Variants in VGLL4 observed in about 807,000 individuals in gnomAD.
VGLL4 encodes the protein transcription cofactor vestigial-like protein 4.
Under a neutral mutation model 21.0 loss-of-function variants are expected in VGLL4, and 7 were observed. The observed-to-expected ratio is 0.33, with a 90% CI of 0.19 to 0.63. The LOEUF (loss-of-function observed/expected upper bound fraction) is 0.63, where lower values mean the gene tolerates loss of function less well. VGLL4 is among the 20% of genes least tolerant of loss of function. The probability of loss-of-function intolerance (pLI) is 0.78; values close to 1 mark genes in which losing one functional copy is unlikely to be tolerated. For missense variants in VGLL4, 394 were observed against 425.7 expected, an observed-to-expected ratio of 0.93 and a Z score of 0.66; for synonymous variants, 222 against 173.2, an observed-to-expected ratio of 1.28 and a Z score of -2.21.
chr3:11,631,582 T>C (rs1211774622), intron 1 of VGLL4, among the ~76,000 whole-genome samples: 3 of 152,220 alleles, frequency 2.0e-5, no homozygotes, highest in Non-Finnish European at 4.4e-5. Context: ...TCCTCCTTTA[T>C]GCTCTAAACT....
At chr3:11,694,999 A>C (rs985468609) in intron 2 of VGLL4, among the ~76,000 whole-genome samples, 1 of 152,162 alleles carries the variant, frequency 6.6e-6, no homozygotes. Context: ...TATATATTCA[A>C]GTAACATAAT....
At chr3:11,566,470 C>G (rs1013472891) in intron 2 of VGLL4, among the ~76,000 whole-genome samples, 8 of 152,206 alleles carry the variant, frequency 5.3e-5, no homozygotes, top group Admixed American at 4.6e-4. Flanking sequence ...TAAGGCAAAT[C>G]CAACCACATC....
intron 2 of VGLL4, among the ~76,000 whole-genome samples, chr3:11,588,480 T>G (rs1345956169): frequency 6.6e-6 from 1 of 152,190 alleles, no homozygotes; most frequent in Non-Finnish European, 1.5e-5. Context: ...AGATGGGCCT[T>G]GGCAGTGTCA....
chr3:11,671,386 C>A (rs758142021), intron 2 of VGLL4: 1 of 935,516 alleles, frequency 1.1e-6, no homozygotes, highest in Non-Finnish European at 1.7e-6. Flanking sequence ...AACAAGTTCC[C>A]AGGTGACGCT....
rs112127399 is a variant in VGLL4 at position 11,655,318 on chromosome 3, G to A, written c.64+47653C>T. 2.1e-3 allele frequency among the ~76,000 whole-genome samples: 324 copies of A among 152,248 alleles called. 1 individual carries two copies. The highest frequency in any genetic ancestry group is 7.5e-3 in the African/African-American group (312 of 41,544). ...TGGAGATTCTGAACTGAACTGAGGAGGGCACCTGGCTGCTTTTCATACCCA... is the reference window on the plus strand; with the variant it reads ...TGGAGATTCTGAACTGAACTGAGGAAGGCACCTGGCTGCTTTTCATACCCA... On this transcript the variant is annotated intron_variant, in intron 2 of 5. Transcript: ENST00000273038.
At chr3:11,639,280 G>A (rs963245265) in intron 1 of VGLL4, among the ~76,000 whole-genome samples, 2 of 152,240 alleles carry the variant, frequency 1.3e-5, no homozygotes, top group Non-Finnish European at 2.9e-5. Context: ...GACTGGCTCT[G>A]GAGCTGGCAT....
intron 2 of VGLL4, among the ~76,000 whole-genome samples, chr3:11,567,486 G>A (rs2073591579): frequency 6.6e-6 from 1 of 152,178 alleles, no homozygotes; most frequent in Admixed American, 6.5e-5. Context: ...AGAATGTTCT[G>A]GCAGAGTCTA....
At position 11,652,507 on chromosome 3, in the gene VGLL4, G is replaced by GC. The variant is rs35695191; in HGVS notation, c.64+50463dup. Among the ~76,000 whole-genome samples the GC allele has an allele frequency of 3.4e-3, 516 of 152,160 alleles. 2 individuals are homozygous for GC. The highest frequency in any genetic ancestry group is 0.011 in the African/African-American group (471 of 41,506). On this transcript the variant is annotated intron_variant, in intron 2 of 5. Coordinates refer to the VGLL4 transcript ENST00000273038. ...CGATGTCTGCTCACTGGCAACTTCTGCCCCCCGGGTTCAAGCGATTCTCCT... is the reference window on the plus strand; with the variant it reads ...CGATGTCTGCTCACTGGCAACTTCTGCCCCCCCGGGTTCAAGCGATTCTCCT...
intron 2 of VGLL4, among the ~76,000 whole-genome samples, chr3:11,688,756 T>A (rs985685484): frequency 6.6e-6 from 1 of 152,204 alleles, no homozygotes. Context: ...TGGTGGCTCA[T>A]GCCTGTAATC....
intron 1 of VGLL4, among the ~76,000 whole-genome samples, chr3:11,603,153 C>G (rs2074847637): frequency 6.6e-6 from 1 of 152,192 alleles, no homozygotes; most frequent in African/African-American, 2.4e-5. Flanking sequence ...TTACTTCATA[C>G]ACATATGACA....
intron 2 of VGLL4, among the ~76,000 whole-genome samples, chr3:11,575,922 G>T (rs2074030010): frequency 6.6e-6 from 1 of 152,234 alleles, no homozygotes; most frequent in Non-Finnish European, 1.5e-5. Context: ...TCACGGAAAT[G>T]CTGGCCAGCA....
upstream of VGLL4, among the ~76,000 whole-genome samples, chr3:11,646,569 AC>A (rs1559921781): frequency 6.6e-6 from 1 of 152,012 alleles, no homozygotes; most frequent in Admixed American, 6.5e-5. Flanking sequence ...AAAAAAAAAA[AC>A]CCTGCCTTAA....
intron 2 of VGLL4, among the ~76,000 whole-genome samples, chr3:11,569,131 G>C (rs2073671519): frequency 6.6e-6 from 1 of 152,158 alleles, no homozygotes; most frequent in South Asian, 2.1e-4. Flanking sequence ...CGTGAAAGAA[G>C]TGCACTGCGT....
intron 2 of VGLL4, among the ~76,000 whole-genome samples, chr3:11,671,998 GC>G: frequency 6.6e-6 from 1 of 152,252 alleles, no homozygotes; most frequent in East Asian, 1.9e-4. Flanking sequence ...TCTGCTGCTT[GC>G]CAGGTAGATG....
chr3:11,628,890 T>C (rs1307374233), intron 1 of VGLL4, among the ~76,000 whole-genome samples: 1 of 152,196 alleles, frequency 6.6e-6, no homozygotes, highest in East Asian at 1.9e-4. Flanking sequence ...GATACTACTT[T>C]GGACCAAACA....
At chr3:11,563,354 G>A (rs2073200120) in intron 3 of VGLL4, among the ~76,000 whole-genome samples, 1 of 152,238 alleles carries the variant, frequency 6.6e-6, no homozygotes. Context: ...TACAATGCCT[G>A]TTGAGCTTCC....
At chr3:11,644,062 G>A (rs1575489033), upstream of VGLL4, 4 of 921,242 alleles carry the variant, frequency 4.3e-6, no homozygotes, top group Non-Finnish European at 5.2e-6. Context: ...AAAGGGGAGG[G>A]GGAGAGACTC....
intron 2 of VGLL4, among the ~76,000 whole-genome samples, chr3:11,673,731 T>C (rs147238163): frequency 0.013 from 2,039 of 152,106 alleles, 45 homozygotes; most frequent in African/African-American, 0.046. Flanking sequence ...AAAATCAGAA[T>C]GGCCAGATGT....
chr3:11,622,366 C>T (rs2075278939), intron 1 of VGLL4, among the ~76,000 whole-genome samples: 1 of 151,876 alleles, frequency 6.6e-6, no homozygotes, highest in Non-Finnish European at 1.5e-5. Flanking sequence ...GACATTCTGG[C>T]ATTTCAGAAA....
Sources: gnomAD v4.1 joint callset for allele counts (sites outside exome capture counted in the v4.1 genomes callset) on GRCh38, gnomAD v4.1.1 for gene constraint, MANE v1.5 for transcripts, NCBI Gene and HGNC (gene_info 2026-07-23, HGNC 2026-07-21) for gene names.